FYB1: variants seen among roughly 807,000 people sequenced by gnomAD.
The protein encoded by FYB1 is FYN-binding protein 1.
FYB1 carries 41 observed loss-of-function variants against 94.1 expected under a neutral mutation model. The ratio of observed to expected loss-of-function variants is 0.44; its 90% CI spans 0.34 to 0.57. FYB1 has a LOEUF of 0.57. Ranked by LOEUF, FYB1 falls within the 20% of genes least tolerant of loss-of-function variation. The pLI, the probability that FYB1 is intolerant of heterozygous loss-of-function variation, is 0.02. For missense variants in FYB1, 1,050 were observed against 976.8 expected (o/e 1.07, Z -1.00); for synonymous variants, 367 against 353.2 (o/e 1.04, Z -0.44).
intron 2 of FYB1, among the ~76,000 whole-genome samples, chr5:39,180,350 C>T (rs1746111432): frequency 6.6e-6 from 1 of 152,156 alleles, no homozygotes; most frequent in African/African-American, 2.4e-5. Flanking sequence ...CTCACCATTC[C>T]CCTGATGCCC....
At chr5:39,170,970 G>A (rs7704354) in intron 2 of FYB1, among the ~76,000 whole-genome samples, 32,697 of 152,050 alleles carry the variant, frequency 0.22, 3,720 homozygotes, top group African/African-American at 0.26. Context: ...TACCATTCAT[G>A]TTTCTGCTTA....
At chr5:39,145,323 T>A (rs1272450848) in intron 3 of FYB1, among the ~76,000 whole-genome samples, 1 of 152,176 alleles carries the variant, frequency 6.6e-6, no homozygotes, top group African/African-American at 2.4e-5. Flanking sequence ...AGTGTGTTCA[T>A]TCAGATATTT....
At chr5:39,140,578 G>GTA (rs1259362752) in intron 4 of FYB1, among the ~76,000 whole-genome samples, 1 of 152,146 alleles carries the variant, frequency 6.6e-6, no homozygotes. Context: ...CCACTTCAGG[G>GTA]TATATATCTT....
At chr5:39,269,476 T>G (rs1326197033) in intron 1 of FYB1, among the ~76,000 whole-genome samples, 1 of 152,230 alleles carries the variant, frequency 6.6e-6, no homozygotes, top group Non-Finnish European at 1.5e-5. Context: ...GGCAGGGTCA[T>G]GCACTAACAT....
chr5:39,216,220 T>C (rs1472381652), intron 1 of FYB1, among the ~76,000 whole-genome samples: 1 of 152,182 alleles, frequency 6.6e-6, no homozygotes, highest in Non-Finnish European at 1.5e-5. Context: ...AGGAAAATAA[T>C]ACACGCCCTT....
chr5:39,180,310 G>T, intron 2 of FYB1, among the ~76,000 whole-genome samples: 1 of 152,170 alleles, frequency 6.6e-6, no homozygotes, highest in East Asian at 1.9e-4. Context: ...CTCAAGCCTT[G>T]CCTCCTTTGT....
chr5:39,129,409 C>G (rs1740985061), intron 10 of FYB1, among the ~76,000 whole-genome samples: 1 of 151,960 alleles, frequency 6.6e-6, no homozygotes, highest in South Asian at 2.1e-4. Flanking sequence ...GTAGAGATTT[C>G]ATGACTAACA....
chr5:39,236,561 G>C (rs1278953711), intron 1 of FYB1, among the ~76,000 whole-genome samples: 1 of 151,978 alleles, frequency 6.6e-6, no homozygotes, highest in Non-Finnish European at 1.5e-5. Context: ...ATTTGTAGGG[G>C]GTACAGATTT....
intron 1 of FYB1, among the ~76,000 whole-genome samples, chr5:39,243,699 G>C (rs1751326713): frequency 6.6e-6 from 1 of 152,180 alleles, no homozygotes; most frequent in Non-Finnish European, 1.5e-5. Context: ...TAGCTGGATG[G>C]GGATGGCATT....
At chr5:39,157,346 G>A (rs1336086124) in intron 2 of FYB1, among the ~76,000 whole-genome samples, 1 of 152,152 alleles carries the variant, frequency 6.6e-6, no homozygotes, top group Non-Finnish European at 1.5e-5. Context: ...GATTTTATGA[G>A]TGTTTTCAGT....
At chr5:39,170,238 G>C (rs867826695) in intron 2 of FYB1, 1 of 962,508 alleles carries the variant, frequency 1.0e-6, no homozygotes, top group Non-Finnish European at 1.6e-6. Flanking sequence ...TGTTGCTGGT[G>C]GTGGTGTCTT....
Position 39,107,083 on chromosome 5 carries a change from A to C in FYB1, c.*360T>G, listed in dbSNP as rs553995342. 2 of 159,018 alleles carry C rather than the reference A, an allele frequency of 1.3e-5. No homozygotes were observed. The highest frequency in any genetic ancestry group is 6.5e-5 in the Admixed American group (1 of 15,494). 9.9% of individuals were successfully genotyped at this position (159,018 alleles called of 1,614,324 possible). A position where few individuals can be genotyped will look rare whatever the true frequency, so the allele number is the denominator to read the frequency against. ...TATTCTTCCTTAGGTTTTTTTAGAC[A>C]GGTCATTTCTTCCTGAATGATTTTC... On this transcript the variant is annotated 3_prime_UTR_variant, in exon 19 of 19. Transcript: ENST00000512982.
intron 2 of FYB1, among the ~76,000 whole-genome samples, chr5:39,189,053 T>G (rs1747115591): frequency 6.6e-6 from 1 of 152,176 alleles, no homozygotes; most frequent in South Asian, 2.1e-4. Context: ...ACATTCACTG[T>G]TAGAACCACT....
At chr5:39,231,163 A>AAAAAAAAAAC (rs1561294075) in intron 1 of FYB1, among the ~76,000 whole-genome samples, 39 of 118,916 alleles carry the variant, frequency 3.3e-4, no homozygotes, top group East Asian at 7.6e-4. Context: ...AAAAAAAAAC[A>AAAAAAAAAAC]AAAAAAAACA....
chr5:39,169,537 G>A, intron 2 of FYB1: 1 of 550,906 alleles, frequency 1.8e-6, no homozygotes, highest in South Asian at 1.5e-5. Context: ...TGCTGTTTGA[G>A]GTGCTCCAGT....
intron 1 of FYB1, among the ~76,000 whole-genome samples, chr5:39,208,269 AG>A (rs1749034412): frequency 6.6e-6 from 1 of 152,222 alleles, no homozygotes; most frequent in African/African-American, 2.4e-5. Flanking sequence ...TTAAAGCAAG[AG>A]GAGAATGAAT....
intron 3 of FYB1, among the ~76,000 whole-genome samples, chr5:39,152,675 T>C (rs1168083525): frequency 6.6e-6 from 1 of 152,202 alleles, no homozygotes; most frequent in African/African-American, 2.4e-5. Flanking sequence ...AACTTTTCTA[T>C]TAAATCCTGG....
At chr5:39,225,292 G>T (rs944410847) in intron 1 of FYB1, among the ~76,000 whole-genome samples, 7 of 152,142 alleles carry the variant, frequency 4.6e-5, no homozygotes, top group African/African-American at 1.7e-4. Flanking sequence ...CAGAGCATTA[G>T]GCTGGGAAGG....
intron 1 of FYB1, among the ~76,000 whole-genome samples, chr5:39,211,351 C>T (rs1210427709): frequency 1.3e-5 from 2 of 148,922 alleles, no homozygotes; most frequent in Admixed American, 6.7e-5. Context: ...GACGGAGTCT[C>T]GCTCTGTCGC....
Sources: allele counts gnomAD v4.1 joint callset (sites outside exome capture counted in the v4.1 genomes callset), GRCh38; gene constraint gnomAD v4.1.1; transcripts MANE v1.5; gene names NCBI Gene and HGNC (gene_info 2026-07-23, HGNC 2026-07-21).